Variants in LRRC37A2 observed in about 807,000 individuals in gnomAD.
LRRC37A2 encodes the protein leucine-rich repeat-containing protein 37A2.
In LRRC37A2, 9 loss-of-function variants were observed where a neutral mutation model predicts 68.8. That is an observed-to-expected ratio of 0.13 (90% CI 0.08 to 0.23). The LOEUF (loss-of-function observed/expected upper bound fraction) is 0.23. Among genes scored for constraint, LRRC37A2 ranks in the 10% least tolerant of loss-of-function variants. LRRC37A2 has a pLI of 1.00. For synonymous variants in LRRC37A2, 63 were observed against 367.6 expected (o/e 0.17, Z 9.48); for missense variants, 168 against 950.4 (o/e 0.18, Z 10.82).
chr17:47,017,171 C>T, the LRRC37A2 span: 14 of 1,606,868 alleles, frequency 8.7e-6, no homozygotes, highest in East Asian at 2.2e-5. Context: ...ACAAGGGGCA[C>T]GAGTGTCTCG....
At chr17:46,800,172 G>A in the LRRC37A2 span, among the ~76,000 whole-genome samples, 22 of 152,032 alleles carry the variant, frequency 1.4e-4, no homozygotes, top group African/African-American at 4.1e-4. Context: ...GTGCAGTGGC[G>A]CGATCTCGGC....
the LRRC37A2 span, chr17:46,931,153 G>A: frequency 1.7e-5 from 27 of 1,611,834 alleles, no homozygotes; most frequent in East Asian, 4.0e-4. Flanking sequence ...CGTCTAGAAC[G>A]TCTGGAGATT....
the LRRC37A2 span, among the ~76,000 whole-genome samples, chr17:46,946,282 C>CAAAA: frequency 1.2e-4 from 15 of 126,654 alleles, no homozygotes; most frequent in East Asian, 6.9e-4. Flanking sequence ...CTAAAAATAC[C>CAAAA]AAAAAAAAAA....
At chr17:46,422,704 ATAG>A in the LRRC37A2 span, 1 of 315,426 alleles carries the variant, frequency 3.2e-6, no homozygotes. Flanking sequence ...CCCTTTTAAG[ATAG>A]TAGGGAGAAA....
the LRRC37A2 span, among the ~76,000 whole-genome samples, chr17:46,996,432 C>T: frequency 6.6e-6 from 1 of 152,160 alleles, no homozygotes; most frequent in African/African-American, 2.4e-5. Flanking sequence ...AAGGATATGC[C>T]CATGACCTGG....
chr17:46,932,199 C>T, the LRRC37A2 span: 16 of 1,614,026 alleles, frequency 9.9e-6, no homozygotes, highest in East Asian at 4.5e-5. Flanking sequence ...TCACCACTAA[C>T]GTAAGCCAGG....
chr17:47,000,663 C>A, the LRRC37A2 span, among the ~76,000 whole-genome samples: 1 of 152,146 alleles, frequency 6.6e-6, no homozygotes, highest in South Asian at 2.1e-4. Context: ...TTCAGTAGGT[C>A]ATTTTCTCAC....
chr17:46,781,759 C>T, the LRRC37A2 span, among the ~76,000 whole-genome samples: 2 of 152,202 alleles, frequency 1.3e-5, no homozygotes, highest in African/African-American at 2.4e-5. Context: ...ATGGTGCTTG[C>T]ATCCCCAGCC....
At chr17:46,410,137 TA>T in the LRRC37A2 span, among the ~76,000 whole-genome samples, 1 of 107,738 alleles carries the variant, frequency 9.3e-6, no homozygotes, top group Non-Finnish European at 2.0e-5. Flanking sequence ...ATTTAAGAAC[TA>T]TTAGGCTGGG....
chr17:46,875,028 G>A, the LRRC37A2 span: 4 of 1,611,434 alleles, frequency 2.5e-6, no homozygotes, highest in Non-Finnish European at 3.4e-6. Flanking sequence ...AGGGCGGCAG[G>A]CAACCTCTAA....
the LRRC37A2 span, among the ~76,000 whole-genome samples, chr17:46,912,692 T>A: frequency 6.6e-6 from 1 of 152,180 alleles, no homozygotes; most frequent in Admixed American, 6.5e-5. Context: ...AGTGCCACCC[T>A]GTCTGCTCAG....
At chr17:47,013,497 C>A in the LRRC37A2 span, among the ~76,000 whole-genome samples, 1 of 152,132 alleles carries the variant, frequency 6.6e-6, no homozygotes, top group Non-Finnish European at 1.5e-5. Flanking sequence ...AACAAGAATC[C>A]AGACTGATCT....
At chr17:46,926,168 A>G in the LRRC37A2 span, among the ~76,000 whole-genome samples, 3 of 152,170 alleles carry the variant, frequency 2.0e-5, no homozygotes, top group Non-Finnish European at 4.4e-5. Context: ...ACCTTATCTC[A>G]AGACCATGTT....
chr17:46,711,807 G>A, the LRRC37A2 span, among the ~76,000 whole-genome samples: 1 of 152,200 alleles, frequency 6.6e-6, no homozygotes, highest in Admixed American at 6.5e-5. Context: ...ATTAAGCCAT[G>A]ACTTGACCAA....
At chr17:46,855,979 A>G in the LRRC37A2 span, among the ~76,000 whole-genome samples, 12 of 152,224 alleles carry the variant, frequency 7.9e-5, no homozygotes, top group African/African-American at 2.7e-4. Flanking sequence ...GTGTGCCACC[A>G]TGCCCGGCCC....
At chr17:46,830,877 A>G in the LRRC37A2 span, 1 of 397,574 alleles carries the variant, frequency 2.5e-6, no homozygotes, top group East Asian at 3.6e-5. Context: ...GTTGGTCCTA[A>G]TACGACTTCA....
chr17:46,734,031 T>A, the LRRC37A2 span, among the ~76,000 whole-genome samples: 1 of 152,224 alleles, frequency 6.6e-6, no homozygotes, highest in Non-Finnish European at 1.5e-5. Flanking sequence ...TGCATGAGTT[T>A]TGTTTTTAAC....
At chr17:46,622,258 C>G in the LRRC37A2 span, among the ~76,000 whole-genome samples, 7 of 144,014 alleles carry the variant, frequency 4.9e-5, no homozygotes, top group Admixed American at 3.5e-4. Context: ...GAGATCGAGA[C>G]CAGCCTGGCT....
the LRRC37A2 span, among the ~76,000 whole-genome samples, chr17:46,405,342 AC>A: frequency 1.7e-5 from 1 of 59,518 alleles, no homozygotes; most frequent in South Asian, 7.1e-4. Context: ...GCCCTAAACA[AC>A]AGGGATAATG....
Sources: allele counts gnomAD v4.1 joint callset (sites outside exome capture counted in the v4.1 genomes callset), GRCh38; gene constraint gnomAD v4.1.1; transcripts MANE v1.5; gene names NCBI Gene and HGNC (gene_info 2026-07-23, HGNC 2026-07-21).